The following SYNPR variants were observed in gnomAD, a reference collection of about 807,000 sequenced individuals.
SYNPR encodes the protein synaptoporin.
A neutral mutation model predicts 32.9 loss-of-function variants in SYNPR; 23 were observed. The observed-to-expected ratio is 0.70, with a 90% CI of 0.50 to 0.99. The LOEUF (loss-of-function observed/expected upper bound fraction) is 0.99. Ranked by LOEUF, SYNPR falls within the 50% of genes least tolerant of loss-of-function variation. SYNPR has a pLI of 0.00. For synonymous variants in SYNPR, 146 were observed against 135.9 expected (o/e 1.07, Z -0.52); for missense variants, 318 against 349.3 (o/e 0.91, Z 0.71).
intron 3 of SYNPR, among the ~76,000 whole-genome samples, chr3:63,522,678 C>G (rs952451986): frequency 2.0e-5 from 3 of 152,048 alleles, no homozygotes; most frequent in Non-Finnish European, 4.4e-5. Flanking sequence ...CAAATAAGCT[C>G]GAGGATGTGT....
chr3:63,430,568 G>T (rs1699974845), intron 2 of SYNPR, among the ~76,000 whole-genome samples: 1 of 152,114 alleles, frequency 6.6e-6, no homozygotes, highest in South Asian at 2.1e-4. Flanking sequence ...AAATGTGGTT[G>T]GTAATATCCA....
intron 2 of SYNPR, among the ~76,000 whole-genome samples, chr3:63,315,807 G>T (rs1259204475): frequency 6.6e-6 from 1 of 152,018 alleles, no homozygotes; most frequent in East Asian, 1.9e-4. Context: ...GGGCATCCTT[G>T]TCTTATTCCA....
At chr3:63,515,206 C>T (rs1219374350) in intron 3 of SYNPR, among the ~76,000 whole-genome samples, 1 of 152,080 alleles carries the variant, frequency 6.6e-6, no homozygotes, top group Non-Finnish European at 1.5e-5. Flanking sequence ...TTCAAAACAT[C>T]TGCGAGCTTA....
At chr3:63,311,168 T>C (rs1310074377) in intron 2 of SYNPR, among the ~76,000 whole-genome samples, 1 of 152,002 alleles carries the variant, frequency 6.6e-6, no homozygotes, top group Non-Finnish European at 1.5e-5. Context: ...GCTATGATTT[T>C]CCCTTTAATA....
chr3:63,339,832 T>C (rs1398411743), intron 2 of SYNPR, among the ~76,000 whole-genome samples: 1 of 152,178 alleles, frequency 6.6e-6, no homozygotes, highest in Non-Finnish European at 1.5e-5. Flanking sequence ...AATTTTTGTA[T>C]TTTTAGTAGA....
chr3:63,263,495 CACA>C (rs1381362025), intron 2 of SYNPR, among the ~76,000 whole-genome samples: 3 of 152,200 alleles, frequency 2.0e-5, no homozygotes, highest in Non-Finnish European at 4.4e-5. Context: ...AGTGACTGAA[CACA>C]ACAACAGTCA....
chr3:63,451,277 G>T (rs1177015190), intron 2 of SYNPR, among the ~76,000 whole-genome samples: 1 of 152,076 alleles, frequency 6.6e-6, no homozygotes, highest in Non-Finnish European at 1.5e-5. Flanking sequence ...CCATGCCCTC[G>T]ATGAGTGCTT....
chr3:63,427,667 T>A (rs1417136580), intron 2 of SYNPR: 1 of 152,272 alleles, frequency 6.6e-6, no homozygotes, highest in East Asian at 1.9e-4. Context: ...AATAAGGCAG[T>A]GGTTCTCCAA....
chr3:63,566,524 A>G (rs1313233868), intron 4 of SYNPR, among the ~76,000 whole-genome samples: 2 of 152,138 alleles, frequency 1.3e-5, no homozygotes, highest in Non-Finnish European at 2.9e-5. Flanking sequence ...AGGGACATGA[A>G]GTCAAATAAA....
the SYNPR span, among the ~76,000 whole-genome samples, chr3:63,209,315 CAAA>C: frequency 9.7e-6 from 1 of 103,272 alleles, no homozygotes; most frequent in Admixed American, 1.2e-4. Flanking sequence ...GACTCCGTCT[CAAA>C]AAAAAAAAAA....
At chr3:63,465,993 T>A (rs919818432) in intron 2 of SYNPR, among the ~76,000 whole-genome samples, 4 of 152,192 alleles carry the variant, frequency 2.6e-5, no homozygotes, top group African/African-American at 9.7e-5. Flanking sequence ...TTGTACAGAT[T>A]ATTTCATCAC....
chr3:63,489,776 T>C (rs545968811), intron 3 of SYNPR, among the ~76,000 whole-genome samples: 233 of 152,298 alleles, frequency 1.5e-3, no homozygotes, highest in Non-Finnish European at 2.7e-3. Context: ...AGAAAATGAA[T>C]ATTGTGCAGA....
intron 1 of SYNPR, among the ~76,000 whole-genome samples, chr3:63,231,154 T>C (rs1459204034): frequency 2.0e-5 from 3 of 152,152 alleles, no homozygotes; most frequent in African/African-American, 7.2e-5. Context: ...TACCATGGAA[T>C]AGTACTCAGC....
intron 4 of SYNPR, among the ~76,000 whole-genome samples, chr3:63,604,959 T>G (rs934790706): frequency 6.6e-6 from 1 of 152,246 alleles, no homozygotes; most frequent in East Asian, 1.9e-4. Context: ...TTATGTAATG[T>G]TATATACATC....
intron 2 of SYNPR, among the ~76,000 whole-genome samples, chr3:63,447,740 T>G (rs1700304164): frequency 6.8e-6 from 1 of 146,278 alleles, no homozygotes; most frequent in African/African-American, 2.5e-5. Flanking sequence ...TATATTTTAC[T>G]GTGATTTTTT....
At chr3:63,336,213 A>G (rs12488522) in intron 2 of SYNPR, among the ~76,000 whole-genome samples, 69,073 of 151,810 alleles carry the variant, frequency 0.45, 16,584 homozygotes, top group Non-Finnish European at 0.54. Flanking sequence ...AAGAGTATGT[A>G]TAATATTTTC....
intron 2 of SYNPR, among the ~76,000 whole-genome samples, chr3:63,390,089 C>A (rs918584941): frequency 6.6e-6 from 1 of 152,172 alleles, no homozygotes; most frequent in Admixed American, 6.5e-5. Context: ...TAATATTATC[C>A]TAGCACCATG....
At chr3:63,601,333 A>G (rs888301989) in intron 4 of SYNPR, among the ~76,000 whole-genome samples, 2 of 152,010 alleles carry the variant, frequency 1.3e-5, no homozygotes, top group African/African-American at 4.8e-5. Flanking sequence ...CCTTTGATGT[A>G]AAAATTCTCA....
intron 3 of SYNPR, among the ~76,000 whole-genome samples, chr3:63,554,227 TC>T (rs1311539495): frequency 6.6e-6 from 1 of 152,218 alleles, no homozygotes; most frequent in Admixed American, 6.5e-5. Flanking sequence ...CTTAATTAGG[TC>T]CCACTTACCA....
Sources: gnomAD v4.1 joint callset for allele counts (sites outside exome capture counted in the v4.1 genomes callset) on GRCh38, gnomAD v4.1.1 for gene constraint, MANE v1.5 for transcripts, NCBI Gene and HGNC (gene_info 2026-07-23, HGNC 2026-07-21) for gene names.